ARHGAP15: variants seen among roughly 807,000 people sequenced by gnomAD.
ARHGAP15 encodes the protein Rho GTPase activating protein 15, also known as rho GTPase-activating protein 15.
Under a neutral mutation model 63.7 loss-of-function variants are expected in ARHGAP15, and 51 were observed. The observed-to-expected ratio is 0.80, with a 90% confidence interval of 0.64 to 1.01. ARHGAP15 has a LOEUF of 1.01. Ranked by LOEUF, ARHGAP15 falls within the 50% of genes least tolerant of loss-of-function variation. The pLI is 0.00. For synonymous variants in ARHGAP15, 191 were observed against 193.8 expected (o/e 0.99, Z 0.12); for missense variants, 560 against 564.6 (o/e 0.99, Z 0.08).
intron 1 of ARHGAP15, among the ~76,000 whole-genome samples, chr2:143,149,407 C>T (rs190201694): frequency 8.6e-5 from 13 of 152,028 alleles, no homozygotes; most frequent in Non-Finnish European, 1.8e-4. Flanking sequence ...TCAGTGGCAA[C>T]CTATGTCTTC....
chr2:143,522,894 T>C (rs753961074), intron 10 of ARHGAP15, among the ~76,000 whole-genome samples: 4 of 152,176 alleles, frequency 2.6e-5, no homozygotes, highest in Non-Finnish European at 5.9e-5. Context: ...TATGATGACG[T>C]CATATGTGTA....
At chr2:143,655,180 G>C (rs1049900945) in intron 12 of ARHGAP15, among the ~76,000 whole-genome samples, 4 of 152,148 alleles carry the variant, frequency 2.6e-5, no homozygotes, top group African/African-American at 9.7e-5. Context: ...TTGGTTACAT[G>C]AGTAAGTTTA....
At chr2:143,384,034 T>A (rs1187607896) in intron 6 of ARHGAP15, among the ~76,000 whole-genome samples, 1 of 152,172 alleles carries the variant, frequency 6.6e-6, no homozygotes, top group African/African-American at 2.4e-5. Flanking sequence ...AAGAGAAAAG[T>A]CATCATTAGG....
chr2:143,687,563 T>C (rs746043866), intron 12 of ARHGAP15, among the ~76,000 whole-genome samples: 12 of 152,218 alleles, frequency 7.9e-5, no homozygotes, highest in Admixed American at 2.0e-4. Context: ...CAGGAGAAGA[T>C]AGTGGCAAAC....
intron 11 of ARHGAP15, among the ~76,000 whole-genome samples, chr2:143,601,979 C>A (rs934054566): frequency 1.3e-5 from 2 of 152,088 alleles, no homozygotes; most frequent in South Asian, 2.1e-4. Flanking sequence ...TAAATTCATT[C>A]TTTTCCTCTT....
chr2:143,227,839 TA>T (rs757693869), intron 4 of ARHGAP15, among the ~76,000 whole-genome samples: 10 of 152,290 alleles, frequency 6.6e-5, no homozygotes, highest in Non-Finnish European at 1.2e-4. Context: ...TTCTCTAGAA[TA>T]AATTTAAATT....
At chr2:143,595,219 G>T (rs80251444) in intron 11 of ARHGAP15, among the ~76,000 whole-genome samples, 2 of 151,996 alleles carry the variant, frequency 1.3e-5, no homozygotes, top group African/African-American at 4.8e-5. Context: ...AGAGTGAACC[G>T]ATTTGACATT....
rs539938583 is a variant in ARHGAP15, at chr2:143,616,701, C to A, written c.1004-7432C>A. On this transcript the variant is annotated intron_variant, in intron 11 of 13. Transcript: ENST00000295095. ...GGTGGTAATAGAACCATCTATTCTA[C>A]GCACAGGTCTGTCTCCTCTTGCCAG... 1.8e-4 allele frequency among the ~76,000 whole-genome samples: 28 copies of A among 152,160 alleles called. 1 individual carries two copies. Among genetic ancestry groups the A allele is most frequent in the African/African-American group, 6.5e-4 (27 of 41,430 alleles).
chr2:143,298,954 C>G (rs1266430274), intron 6 of ARHGAP15, among the ~76,000 whole-genome samples: 2 of 151,848 alleles, frequency 1.3e-5, no homozygotes, highest in East Asian at 3.9e-4. Context: ...TCACGTAATG[C>G]ATGTGTAGCA....
In ARHGAP15 at chr2:143,470,443, T is replaced by G. The variant is rs192736788; in HGVS notation, c.704-16930T>G. 8.9e-4 allele frequency among the ~76,000 whole-genome samples: 135 copies of G among 151,736 alleles called. 1 individual carries two copies. The highest frequency in any genetic ancestry group is 3.2e-3 in the African/African-American group (133 of 41,496). The stretch of plus-strand genomic sequence containing the variant: ...GTTTATTTTCTTAGAGCATAGGGCT[T>G]TTCCATAAATGTTTAAATGTTAGAA... On this transcript the variant is annotated intron_variant, in intron 8 of 13. Coordinates refer to ENST00000295095, the MANE Select transcript of ARHGAP15 (RefSeq NM_018460.4).
chr2:143,352,639 A>C, intron 6 of ARHGAP15, among the ~76,000 whole-genome samples: 1 of 152,204 alleles, frequency 6.6e-6, no homozygotes, highest in East Asian at 1.9e-4. Context: ...TCCTGAATAA[A>C]AATATTTCTT....
At chr2:143,518,658 C>T (rs1472865696) in intron 9 of ARHGAP15, among the ~76,000 whole-genome samples, 2 of 152,122 alleles carry the variant, frequency 1.3e-5, no homozygotes, top group African/African-American at 2.4e-5. Flanking sequence ...ACCTGTGTCA[C>T]AGGAGACACA....
intron 11 of ARHGAP15, among the ~76,000 whole-genome samples, chr2:143,619,317 C>T (rs1177510246): frequency 6.6e-6 from 1 of 152,084 alleles, no homozygotes; most frequent in East Asian, 1.9e-4. Context: ...AAAGGCTCTT[C>T]AAGAAAGAGC....
chr2:143,380,728 C>T (rs940480896), intron 6 of ARHGAP15, among the ~76,000 whole-genome samples: 1 of 152,088 alleles, frequency 6.6e-6, no homozygotes, highest in African/African-American at 2.4e-5. Context: ...GGATTCCTTC[C>T]ATCTCTGAAC....
At chr2:143,523,998 TCAA>T (rs1316837905) in intron 10 of ARHGAP15, among the ~76,000 whole-genome samples, 1 of 152,162 alleles carries the variant, frequency 6.6e-6, no homozygotes, top group Admixed American at 6.6e-5. Flanking sequence ...CAGATGCTAA[TCAA>T]CAAGAAGTTT....
At chr2:143,395,288 A>G (rs1687709989) in intron 6 of ARHGAP15, among the ~76,000 whole-genome samples, 1 of 152,096 alleles carries the variant, frequency 6.6e-6, no homozygotes, top group Non-Finnish European at 1.5e-5. Context: ...GGTGAGAGAG[A>G]TTTCAAGTGA....
intron 8 of ARHGAP15, among the ~76,000 whole-genome samples, chr2:143,471,035 A>G (rs1268365618): frequency 1.3e-5 from 2 of 149,368 alleles, no homozygotes; most frequent in Non-Finnish European, 3.0e-5. Context: ...GTGTGTATAT[A>G]TGCACACACA....
intron 1 of ARHGAP15, among the ~76,000 whole-genome samples, chr2:143,148,211 T>G (rs1689668122): frequency 6.6e-6 from 1 of 152,018 alleles, no homozygotes; most frequent in African/African-American, 2.4e-5. Flanking sequence ...CTGTTTATCA[T>G]ACAGCATCCA....
chr2:143,545,377 T>C (rs1273432882), intron 10 of ARHGAP15, among the ~76,000 whole-genome samples: 1 of 152,198 alleles, frequency 6.6e-6, no homozygotes, highest in East Asian at 1.9e-4. Context: ...TGAGCAGAGA[T>C]CTGCCAAAAT....
Sources: allele counts gnomAD v4.1 joint callset (sites outside exome capture counted in the v4.1 genomes callset), GRCh38; gene constraint gnomAD v4.1.1; transcripts MANE v1.5; gene names NCBI Gene and HGNC (gene_info 2026-07-23, HGNC 2026-07-21).